Variants in N4BP1 observed in about 807,000 individuals in gnomAD.
The protein encoded by N4BP1 is NEDD4 binding protein 1.
In N4BP1, 21 loss-of-function variants were observed where a neutral mutation model predicts 70.9. The observed-to-expected ratio is 0.30, with a 90% confidence interval of 0.21 to 0.43. The LOEUF is 0.43. N4BP1 is among the 20% of genes least tolerant of loss of function. The pLI is 1.00. For missense variants in N4BP1, 936 were observed against 1,069.4 expected (o/e 0.88, Z 1.74); for synonymous variants, 387 against 394.6 (o/e 0.98, Z 0.23).
At chr16:48,551,318 C>T in intron 4 of N4BP1, 68 bp downstream of exon 4, 1 of 1,202,620 alleles carries the variant, frequency 8.3e-7, no homozygotes, top group Non-Finnish European at 1.2e-6. Context: ...TGGACCTGTC[C>T]AGCAGAGCAG....
At chr16:48,588,523 G>A (rs1012103617) in intron 1 of N4BP1, among the ~76,000 whole-genome samples, 5 of 152,078 alleles carry the variant, frequency 3.3e-5, no homozygotes, top group African/African-American at 1.2e-4. Flanking sequence ...TCGAACTCCT[G>A]ACCTCAAGTG....
intron 6 of N4BP1, among the ~76,000 whole-genome samples, chr16:48,545,655 G>A (rs1169757622): frequency 2.0e-5 from 3 of 151,764 alleles, no homozygotes; most frequent in Non-Finnish European, 4.4e-5. Context: ...AAACTGAAAG[G>A]ACTATAGTTG....
chr16:48,561,774 G>C lies in N4BP1; in HGVS notation c.869C>G (p.Ser290Cys). Residue 290 changes from serine to cysteine, a missense_variant, in exon 2 of 7, where the codon TCT becomes TGT. Transcript: ENST00000262384. ...RICQKRRFSDSEERHTKKQFS... is the reference protein window; with the variant it reads ...RICQKRRFSDCEERHTKKQFS... ...CTGCTTCTTCGTATGCCTTTCTTCA[G>C]AATCAGAAAATCTCCTTTTCTGACA... 1.2e-6 allele frequency: 2 copies of C among 1,612,922 alleles called. No individual in the cohort carries two copies. The highest frequency in any genetic ancestry group is 1.7e-6 in the Non-Finnish European group (2 of 1,179,866).
Position 48,539,225 on chromosome 16 carries a change from T to C in N4BP1, c.*3679A>G, listed in dbSNP as rs1963451162. 6.6e-6 allele frequency: 1 copy of C among 152,292 alleles called. No individual in the cohort carries two copies. The highest frequency in any genetic ancestry group is 2.1e-4 in the South Asian group (1 of 4,826). The allele number at this position is 152,292 out of a possible 1,614,324, so 9.4% of individuals were successfully genotyped here. ...GGAGGGGTGACTAGAAGTATGTTAC[T>C]GGAAGGTAAATCTGGCCACACTGCA... On this transcript the variant is annotated 3_prime_UTR_variant, in exon 7 of 7. Coordinates refer to ENST00000262384, the MANE Select transcript of N4BP1 (RefSeq NM_153029.4).
chr16:48,600,481 T>G (rs1322546172), intron 1 of N4BP1: 21 of 605,434 alleles, frequency 3.5e-5, no homozygotes, highest in Non-Finnish European at 6.5e-5. Flanking sequence ...CAAGCTAAAT[T>G]TATAATGAAC....
chr16:48,587,918 A>T (rs1008076429), intron 1 of N4BP1, among the ~76,000 whole-genome samples: 31 of 152,132 alleles, frequency 2.0e-4, no homozygotes, highest in Non-Finnish European at 8.8e-5. Flanking sequence ...AGAGGAATTC[A>T]TCTAGATGTA....
At chr16:48,560,423 G>T in intron 2 of N4BP1, 1 of 198,398 alleles carries the variant, frequency 5.0e-6, no homozygotes, top group Non-Finnish European at 1.0e-5. Flanking sequence ...ATTTAGATTA[G>T]AACATAATGG....
intron 1 of N4BP1, among the ~76,000 whole-genome samples, chr16:48,594,786 T>C (rs1245557246): frequency 6.6e-6 from 1 of 152,246 alleles, no homozygotes; most frequent in Non-Finnish European, 1.5e-5. Context: ...ATAATTCTAA[T>C]ATGCCTCACT....
At chr16:48,597,086 C>A (rs1964425697) in intron 1 of N4BP1, among the ~76,000 whole-genome samples, 2 of 152,238 alleles carry the variant, frequency 1.3e-5, no homozygotes, top group Admixed American at 6.5e-5. Flanking sequence ...ACTTCCCAAG[C>A]CCCTACCTGC....
chr16:48,596,897 C>T (rs111744734), intron 1 of N4BP1, among the ~76,000 whole-genome samples: 173 of 152,272 alleles, frequency 1.1e-3, no homozygotes, highest in African/African-American at 3.1e-3. Context: ...GATAACAGTA[C>T]TAAGATCAGT....
At chr16:48,563,364 A>AT (rs1448822151) in intron 1 of N4BP1, among the ~76,000 whole-genome samples, 1 of 151,650 alleles carries the variant, frequency 6.6e-6, no homozygotes, top group Non-Finnish European at 1.5e-5. Context: ...CTAAAAAAAA[A>AT]TTTTTTAAAT....
chr16:48,609,989 C>T lies in N4BP1; in HGVS notation c.-17G>A, dbSNP rs1246142832. On this transcript the variant is annotated 5_prime_UTR_variant, in exon 1 of 7. Coordinates refer to ENST00000262384, the MANE Select transcript of N4BP1 (RefSeq NM_153029.4). ...GGCCGCCATGGCGGGCGCGGCCTCC[C>T]GCGGCGGCGCCGGGGGCCGGCGGCG... is the stretch of plus-strand genomic sequence containing the variant. 4 of 1,181,964 alleles carry T rather than the reference C, an allele frequency of 3.4e-6. No individual in the cohort carries two copies. The highest frequency in any genetic ancestry group is 2.1e-6 in the Non-Finnish European group (2 of 956,412). 73.2% of individuals were successfully genotyped at this position (1,181,964 alleles called of 1,614,324 possible).
intron 1 of N4BP1, among the ~76,000 whole-genome samples, chr16:48,582,553 T>C (rs549550166): frequency 9.9e-5 from 15 of 152,236 alleles, no homozygotes; most frequent in Non-Finnish European, 1.3e-4. Context: ...TTTAAATGCA[T>C]AGATGAAAGT....
intron 1 of N4BP1, among the ~76,000 whole-genome samples, chr16:48,584,014 C>T (rs905909619): frequency 6.6e-6 from 1 of 152,208 alleles, no homozygotes; most frequent in Non-Finnish European, 1.5e-5. Context: ...AATGTGTTTT[C>T]GTTTGATGAT....
chr16:48,561,302 G>A lies in N4BP1; in HGVS notation c.1341C>T (p.Phe447=). ...NMVEKFSQLP[F]KVEAKPCTSN... ...AGGTACATGGTTTAGCTTCCACTTT[G>A]AATGGTAACTGAGAAAATTTTTCTA... is the stretch of plus-strand genomic sequence containing the variant. Residue 447 remains phenylalanine, a synonymous_variant, in exon 2 of 7, where the codon TTC becomes TTT. Coordinates refer to ENST00000262384, the MANE Select transcript of N4BP1 (RefSeq NM_153029.4). 1.9e-6 allele frequency: 3 copies of A among 1,613,788 alleles called. No homozygotes were observed. Among genetic ancestry groups the A allele is most frequent in the Non-Finnish European group, 1.7e-6 (2 of 1,179,774 alleles).
intron 1 of N4BP1, among the ~76,000 whole-genome samples, chr16:48,590,538 G>A (rs1023555680): frequency 6.6e-6 from 1 of 152,168 alleles, no homozygotes; most frequent in Admixed American, 6.5e-5. Context: ...CCTGCCTGTG[G>A]TTTGGTAGCA....
intron 1 of N4BP1, among the ~76,000 whole-genome samples, chr16:48,592,060 G>T (rs1049343464): frequency 6.6e-6 from 1 of 152,046 alleles, no homozygotes; most frequent in Non-Finnish European, 1.5e-5. Flanking sequence ...CATGCTCTTG[G>T]CCACCTGGAA....
rs28538175 is a variant in N4BP1, at chr16:48,548,854, A to T, written c.2118-740T>A. ...GACTGCTTCAAAAAAAAAAAAAAAA[A>T]AAAATTCATAGGTTCACACTGCTCT... On this transcript the variant is annotated intron_variant, in intron 4 of 6. Transcript: ENST00000262384. 2.8e-3 allele frequency among the ~76,000 whole-genome samples: 430 copies of T among 152,136 alleles called. 1 individual carries two copies. The highest frequency in any genetic ancestry group is 0.01 in the African/African-American group (420 of 41,486).
At chr16:48,582,476 T>C (rs913991908) in intron 1 of N4BP1, among the ~76,000 whole-genome samples, 12 of 152,070 alleles carry the variant, frequency 7.9e-5, no homozygotes, top group Non-Finnish European at 1.2e-4. Context: ...TTAATAACGA[T>C]CCCAAAATAC....
Sources: allele counts gnomAD v4.1 joint callset (sites outside exome capture counted in the v4.1 genomes callset), GRCh38; gene constraint gnomAD v4.1.1; transcripts MANE v1.5; gene names NCBI Gene and HGNC (gene_info 2026-07-23, HGNC 2026-07-21).